Variants in CHRM3 observed in about 807,000 individuals in gnomAD.
CHRM3 encodes cholinergic receptor muscarinic 3.
In CHRM3, 11 loss-of-function variants were observed where a neutral mutation model predicts 41.8. That is an observed-to-expected ratio of 0.26 (90% CI 0.17 to 0.44). The LOEUF is 0.44. Among genes scored for constraint, CHRM3 ranks in the 20% least tolerant of loss-of-function variants. The pLI, the probability that CHRM3 is intolerant of heterozygous loss-of-function variation, is 1.00. For synonymous variants in CHRM3, 297 were observed against 301.4 expected (o/e 0.99, Z 0.15); for missense variants, 571 against 745.4 (o/e 0.77, Z 2.72).
At chr1:239,395,675 C>T (rs1354152679) in intron 1 of CHRM3, among the ~76,000 whole-genome samples, 1 of 152,302 alleles carries the variant, frequency 6.6e-6, no homozygotes, top group South Asian at 2.1e-4. Context: ...GCATTTCTAA[C>T]CAGCCTTCAG....
chr1:239,686,231 C>T (rs1238291149), intron 5 of CHRM3, among the ~76,000 whole-genome samples: 1 of 152,160 alleles, frequency 6.6e-6, no homozygotes, highest in Non-Finnish European at 1.5e-5. Context: ...TTCCATGGTG[C>T]CTATAGGCGC....
intron 1 of CHRM3, among the ~76,000 whole-genome samples, chr1:239,428,689 G>GT (rs1029229047): frequency 2.6e-5 from 4 of 152,086 alleles, no homozygotes; most frequent in South Asian, 2.1e-4. Flanking sequence ...GTTTTAGTTT[G>GT]TTTTTTCCCA....
rs138073554 is a variant in CHRM3, at chr1:239,727,715, C to T, written c.-147+49427C>T. 5.3e-5 allele frequency: 8 copies of T among 151,798 alleles called. No homozygotes were observed. The East Asian group carries it at 1.4e-3, about 26-fold the overall frequency. 9.4% of individuals were successfully genotyped at this position (151,798 alleles called of 1,614,324 possible). On this transcript the variant is annotated intron_variant, in intron 5 of 6. Transcript: ENST00000676153. ...AAGGCCAGTGGCGAGTCTCGTGTGT[C>T]GTGTATTTGCAAACCTGCTCCACTG... is the stretch of plus-strand genomic sequence containing the variant.
chr1:239,832,280 A>G (rs918592563), intron 6 of CHRM3, among the ~76,000 whole-genome samples: 1 of 152,174 alleles, frequency 6.6e-6, no homozygotes, highest in African/African-American at 2.4e-5. Context: ...GCTGAGAAAA[A>G]AAAACAACTG....
chr1:239,710,176 T>C (rs974095461), intron 5 of CHRM3, among the ~76,000 whole-genome samples: 1 of 152,184 alleles, frequency 6.6e-6, no homozygotes, highest in Non-Finnish European at 1.5e-5. Context: ...TTTCATTATC[T>C]GCATCTAAGT....
At chr1:239,825,048 G>A (rs1672344966) in intron 5 of CHRM3, among the ~76,000 whole-genome samples, 1 of 152,200 alleles carries the variant, frequency 6.6e-6, no homozygotes, top group East Asian at 1.9e-4. Flanking sequence ...CACGTGCTGT[G>A]ATCAGCACTG....
At chr1:239,727,635 A>G (rs1381260952) in intron 5 of CHRM3, 1 of 144,718 alleles carries the variant, frequency 6.9e-6, no homozygotes, top group African/African-American at 2.5e-5. Flanking sequence ...CAGAGAGGGT[A>G]AAAAAAAAAA....
chr1:239,906,408 G>T (rs895238593), intron 6 of CHRM3, among the ~76,000 whole-genome samples: 1 of 152,156 alleles, frequency 6.6e-6, no homozygotes, highest in Non-Finnish European at 1.5e-5. Context: ...CACTGATTGA[G>T]GAATGATTTG....
intron 2 of CHRM3, among the ~76,000 whole-genome samples, chr1:239,538,004 T>C (rs1156727875): frequency 1.3e-5 from 2 of 152,150 alleles, no homozygotes; most frequent in Non-Finnish European, 2.9e-5. Context: ...GCTTGGCATG[T>C]GGGTAGCCAC....
At chr1:239,509,166 T>C (rs1480306777) in intron 2 of CHRM3, among the ~76,000 whole-genome samples, 2 of 152,240 alleles carry the variant, frequency 1.3e-5, no homozygotes, top group African/African-American at 4.8e-5. Context: ...TTGATTTAGC[T>C]AAACCATCCA....
chr1:239,553,297 C>A (rs1660045031), intron 3 of CHRM3, among the ~76,000 whole-genome samples: 1 of 151,906 alleles, frequency 6.6e-6, no homozygotes, highest in South Asian at 2.1e-4. Flanking sequence ...TTCAGGTTAA[C>A]CCTTGCTAAT....
intron 1 of CHRM3, among the ~76,000 whole-genome samples, chr1:239,481,623 A>G (rs1315464747): frequency 2.0e-5 from 3 of 152,242 alleles, no homozygotes; most frequent in Middle Eastern, 6.3e-3. Flanking sequence ...GTCATGTTGA[A>G]GAGCAAAATT....
intron 3 of CHRM3, among the ~76,000 whole-genome samples, chr1:239,569,625 A>C (rs72756769): frequency 0.034 from 5,152 of 152,276 alleles, 107 homozygotes; most frequent in Middle Eastern, 0.058. Flanking sequence ...TGTAATATGA[A>C]ATAAGAAAAA....
intron 6 of CHRM3, among the ~76,000 whole-genome samples, chr1:239,841,798 A>G (rs1673822205): frequency 6.6e-6 from 1 of 152,236 alleles, no homozygotes; most frequent in Non-Finnish European, 1.5e-5. Context: ...GATAGTTTCA[A>G]AAGTCCCAGG....
At chr1:239,482,201 C>T (rs568198383) in intron 1 of CHRM3, among the ~76,000 whole-genome samples, 35 of 152,286 alleles carry the variant, frequency 2.3e-4, no homozygotes, top group African/African-American at 6.5e-4. Context: ...CAGAGACACC[C>T]ACATGCTTTT....
At chr1:239,666,834 T>G (rs967415681) in intron 4 of CHRM3, among the ~76,000 whole-genome samples, 4 of 152,144 alleles carry the variant, frequency 2.6e-5, no homozygotes, top group Admixed American at 1.3e-4. Context: ...TCCTCCCAGC[T>G]CTAGTAGGCC....
chr1:239,505,670 T>C (rs1254058272), intron 2 of CHRM3, among the ~76,000 whole-genome samples: 2 of 152,168 alleles, frequency 1.3e-5, no homozygotes, highest in Non-Finnish European at 2.9e-5. Flanking sequence ...TTGGTACCAG[T>C]AGAGTGGGGC....
intron 3 of CHRM3, among the ~76,000 whole-genome samples, chr1:239,605,854 T>C (rs912153666): frequency 6.6e-6 from 1 of 152,222 alleles, no homozygotes; most frequent in African/African-American, 2.4e-5. Context: ...GAAAGGTATA[T>C]GCATATCAAT....
At chr1:239,615,761 C>T (rs1266839044) in intron 3 of CHRM3, among the ~76,000 whole-genome samples, 1 of 152,170 alleles carries the variant, frequency 6.6e-6, no homozygotes, top group Non-Finnish European at 1.5e-5. Flanking sequence ...TAATTGATGT[C>T]ACCCTTCTGT....
Sources: gnomAD v4.1 joint callset for allele counts (sites outside exome capture counted in the v4.1 genomes callset) on GRCh38, gnomAD v4.1.1 for gene constraint, MANE v1.5 for transcripts, NCBI Gene and HGNC (gene_info 2026-07-23, HGNC 2026-07-21) for gene names.